Variants in ADAMTSL1 observed in about 807,000 individuals in gnomAD.
ADAMTSL1 encodes the protein ADAMTS like 1.
In ADAMTSL1, 126 loss-of-function variants were observed where a neutral mutation model predicts 201.8. The ratio of observed to expected loss-of-function variants is 0.62; its 90% CI spans 0.54 to 0.72. ADAMTSL1 has a LOEUF of 0.72. Among genes scored for constraint, ADAMTSL1 ranks in the 30% least tolerant of loss-of-function variants. ADAMTSL1 has a pLI of 0.00. For synonymous variants in ADAMTSL1, 1,121 were observed against 903.4 expected, an observed-to-expected ratio of 1.24 and a Z score of -4.32; for missense variants, 2,679 against 2,277.8, an observed-to-expected ratio of 1.18 and a Z score of -3.59.
chr9:18,429,872 C>T (rs1819405494), intron 2 of ADAMTSL1, among the ~76,000 whole-genome samples: 1 of 152,094 alleles, frequency 6.6e-6, no homozygotes, highest in South Asian at 2.1e-4. Context: ...TCACTGCAAC[C>T]TCTGCCTCCC....
intron 4 of ADAMTSL1, among the ~76,000 whole-genome samples, chr9:18,581,712 C>G (rs1178264028): frequency 6.6e-6 from 1 of 151,972 alleles, no homozygotes; most frequent in Non-Finnish European, 1.5e-5. Context: ...CATTCCCACT[C>G]AAAAAGGGAA....
intron 22 of ADAMTSL1, among the ~76,000 whole-genome samples, chr9:18,826,882 A>G (rs1285264602): frequency 6.6e-6 from 1 of 152,222 alleles, no homozygotes; most frequent in African/African-American, 2.4e-5. Context: ...AAAAATTCAT[A>G]CATGTAATAT....
chr9:18,437,877 T>C (rs1407295292), intron 2 of ADAMTSL1, among the ~76,000 whole-genome samples: 1 of 152,128 alleles, frequency 6.6e-6, no homozygotes, highest in Non-Finnish European at 1.5e-5. Flanking sequence ...TAAATCCTGA[T>C]TAAGCATGAC....
At chr9:18,139,077 T>A (rs894979314) in intron 1 of ADAMTSL1, among the ~76,000 whole-genome samples, 2 of 152,190 alleles carry the variant, frequency 1.3e-5, no homozygotes. Flanking sequence ...TAGAATGAGA[T>A]GCTCTCTTAA....
chr9:18,633,560 ACT>A (rs990354796), intron 5 of ADAMTSL1, among the ~76,000 whole-genome samples: 15 of 151,004 alleles, frequency 9.9e-5, no homozygotes, highest in African/African-American at 3.6e-4. Context: ...ATGCTACTGC[ACT>A]CTAGCCTGGG....
At chr9:18,892,332 TCTTTTCCCCAGGGCCTGTCC>T in intron 25 of ADAMTSL1, 37 bp from the exon 26 acceptor site, 1 of 1,532,190 alleles carries the variant, frequency 6.5e-7, no homozygotes, top group Non-Finnish European at 8.9e-7. Flanking sequence ...GGAGGAGGTC[TCTTTTCCCCAGGGCCTGTCC>T]CTTTAGGGCT....
At chr9:18,479,515 C>G (rs977096290) in intron 1 of ADAMTSL1, among the ~76,000 whole-genome samples, 2 of 152,206 alleles carry the variant, frequency 1.3e-5, no homozygotes, top group African/African-American at 4.8e-5. Context: ...CCATATATAG[C>G]TATGTGTACA....
Position 18,751,898 on chromosome 9 carries a change from G to A in ADAMTSL1, c.2007-1400G>A, listed in dbSNP as rs1171128014. ...GAGGTCGGGAGATCGAGGCCATCCC[G>A]GCTAAAACGGTGAAACCCCGTCTCT... On this transcript the variant is annotated intron_variant, in intron 15 of 28. Transcript: ENST00000380548. 1.0e-3 allele frequency among the ~76,000 whole-genome samples: 3 copies of A among 3,002 alleles called. 1 individual carries two copies. Among genetic ancestry groups the A allele is most frequent in the Non-Finnish European group, 1.8e-3 (2 of 1,126 alleles). The allele number at this position is 3,002 out of a possible 152,430, so 2.0% of individuals were successfully genotyped here. A position where few individuals can be genotyped will look rare whatever the true frequency, so the allele number is the denominator to read the frequency against.
intron 2 of ADAMTSL1, among the ~76,000 whole-genome samples, chr9:18,458,218 T>G (rs1820680689): frequency 6.6e-6 from 1 of 152,202 alleles, no homozygotes; most frequent in African/African-American, 2.4e-5. Context: ...TTTTTTAGTG[T>G]GTCCCACTGG....
chr9:17,927,362 A>C (rs1474395911), intron 1 of ADAMTSL1, among the ~76,000 whole-genome samples: 1 of 152,196 alleles, frequency 6.6e-6, no homozygotes, highest in Non-Finnish European at 1.5e-5. Flanking sequence ...GTACATATAT[A>C]CATATGTGCA....
chr9:18,558,426 T>C (rs1587556431), intron 3 of ADAMTSL1, among the ~76,000 whole-genome samples: 1 of 152,222 alleles, frequency 6.6e-6, no homozygotes, highest in Non-Finnish European at 1.5e-5. Flanking sequence ...GCATTTGGGT[T>C]GGTTCCAAGT....
chr9:18,639,799 C>T (rs1242258933), intron 7 of ADAMTSL1, among the ~76,000 whole-genome samples: 1 of 152,078 alleles, frequency 6.6e-6, no homozygotes, highest in East Asian at 1.9e-4. Flanking sequence ...TCTTGGTCAA[C>T]TGATCATTCT....
intron 2 of ADAMTSL1, among the ~76,000 whole-genome samples, chr9:18,271,042 C>T (rs1832340639): frequency 6.6e-6 from 1 of 152,106 alleles, no homozygotes; most frequent in Non-Finnish European, 1.5e-5. Context: ...CATTAGTCTG[C>T]ATCATGAGCA....
At chr9:18,516,087 C>CAAAAAAAAAAAAAAAAA (rs11418722) in intron 2 of ADAMTSL1, among the ~76,000 whole-genome samples, 5 of 131,088 alleles carry the variant, frequency 3.8e-5, no homozygotes, top group Non-Finnish European at 6.5e-5. Flanking sequence ...CCTCAACTAC[C>CAAAAAAAAAAAAAAAAA]AAAAAAAAAA....
At chr9:18,108,268 A>C (rs986812657) in intron 1 of ADAMTSL1, among the ~76,000 whole-genome samples, 1 of 147,014 alleles carries the variant, frequency 6.8e-6, no homozygotes, top group Non-Finnish European at 1.5e-5. Context: ...TGACACCATC[A>C]TGGCTCACAG....
At chr9:18,562,886 C>T (rs1013062175) in intron 3 of ADAMTSL1, among the ~76,000 whole-genome samples, 2 of 152,184 alleles carry the variant, frequency 1.3e-5, no homozygotes, top group Non-Finnish European at 2.9e-5. Context: ...ATGTTCTTCT[C>T]TAAACTGGTT....
At chr9:17,980,404 C>T (rs552061770) in intron 1 of ADAMTSL1, among the ~76,000 whole-genome samples, 8 of 151,358 alleles carry the variant, frequency 5.3e-5, no homozygotes, top group African/African-American at 1.9e-4. Flanking sequence ...CTTTTTCTAT[C>T]TTCTAATTTA....
intron 2 of ADAMTSL1, among the ~76,000 whole-genome samples, chr9:18,301,068 GC>G (rs1340614636): frequency 1.3e-5 from 2 of 152,078 alleles, no homozygotes; most frequent in African/African-American, 4.8e-5. Context: ...TATTTATATA[GC>G]CATAATAATG....
At chr9:18,710,775 A>AT (rs1275074516) in intron 14 of ADAMTSL1, among the ~76,000 whole-genome samples, 1 of 151,250 alleles carries the variant, frequency 6.6e-6, no homozygotes, top group African/African-American at 2.4e-5. Context: ...GTCAATTTAA[A>AT]TACTGTGGCT....
Sources: allele counts gnomAD v4.1 joint callset (sites outside exome capture counted in the v4.1 genomes callset), GRCh38; gene constraint gnomAD v4.1.1; transcripts MANE v1.5; gene names NCBI Gene and HGNC (gene_info 2026-07-23, HGNC 2026-07-21).